The following ADGRG6 variants were observed in gnomAD, a reference collection of about 807,000 sequenced individuals.
ADGRG6 encodes the protein adhesion G protein-coupled receptor G6, also known as G-protein coupled receptor 126.
Under a neutral mutation model 142.4 loss-of-function variants are expected in ADGRG6, and 84 were observed. The ratio of observed to expected loss-of-function variants is 0.59; its 90% CI spans 0.49 to 0.71. The LOEUF (loss-of-function observed/expected upper bound fraction) is 0.71, where lower values mean the gene tolerates loss of function less well. Ranked by LOEUF, ADGRG6 falls within the 30% of genes least tolerant of loss-of-function variation. The pLI is 0.00. For missense variants in ADGRG6, 1,367 were observed against 1,466.6 expected, an observed-to-expected ratio of 0.93 and a Z score of 1.11; for synonymous variants, 521 against 520.5, an observed-to-expected ratio of 1.00 and a Z score of -0.01.
intron 22 of ADGRG6, among the ~76,000 whole-genome samples, chr6:142,432,424 A>G (rs1222677626): frequency 6.6e-6 from 1 of 152,184 alleles, no homozygotes; most frequent in African/African-American, 2.4e-5. Context: ...GATTCACCAT[A>G]TATATATTAT....
At chr6:142,425,900 T>G (rs1776916903) in intron 22 of ADGRG6, among the ~76,000 whole-genome samples, 1 of 152,146 alleles carries the variant, frequency 6.6e-6, no homozygotes, top group Non-Finnish European at 1.5e-5. Flanking sequence ...ACTCCCATTT[T>G]TAAACGCATT....
Position 142,443,599 on chromosome 6 carries a change from A to G in ADGRG6, c.*84A>G, listed in dbSNP as rs575613101. The G allele has an allele frequency of 4.1e-4, 343 of 831,722 alleles. No individual in the cohort carries two copies. Among genetic ancestry groups the G allele is most frequent in the Admixed American group, 6.1e-4 (26 of 42,872 alleles). The allele number at this position is 831,722 out of a possible 1,614,324, so 51.5% of individuals were successfully genotyped here. A position where few individuals can be genotyped will look rare whatever the true frequency, so the allele number is the denominator to read the frequency against. Reference sequence around the variant, plus strand: ...CTGCAACTAGTGATGTAAATGTGCTATTACCTAGGTAACTGCATATATATA... The same window carrying G: ...CTGCAACTAGTGATGTAAATGTGCTGTTACCTAGGTAACTGCATATATATA... On this transcript the variant is annotated 3_prime_UTR_variant, in exon 25 of 25. Coordinates refer to ENST00000367609, the MANE Select transcript of ADGRG6 (RefSeq NM_198569.3).
intron 10 of ADGRG6, among the ~76,000 whole-genome samples, chr6:142,399,452 T>G (rs983888058): frequency 3.3e-5 from 5 of 152,170 alleles, no homozygotes; most frequent in African/African-American, 1.2e-4. Context: ...GCTGCTACCC[T>G]TTCACGTATA....
At position 142,445,598 on chromosome 6, in the gene ADGRG6, T is replaced by C. The variant is rs552776268; in HGVS notation, c.*2083T>C. On this transcript the variant is annotated 3_prime_UTR_variant, in exon 25 of 25. Coordinates refer to ENST00000367609, the MANE Select transcript of ADGRG6 (RefSeq NM_198569.3). ...TTTTTTCATATTTGACAATGTCAGC[T>C]CCACTTTAGAAATTTTCAATAACCA... The C allele has an allele frequency of 1.3e-5, 2 of 152,252 alleles. No individual in the cohort carries two copies. Among genetic ancestry groups the C allele is most frequent in the African/African-American group, 4.8e-5 (2 of 41,562 alleles). The allele number at this position is 152,252 out of a possible 1,614,324, so 9.4% of individuals were successfully genotyped here.
chr6:142,431,354 C>T (rs912084095), intron 22 of ADGRG6, among the ~76,000 whole-genome samples: 7 of 151,976 alleles, frequency 4.6e-5, no homozygotes, highest in Non-Finnish European at 7.4e-5. Flanking sequence ...GGCTAAAATG[C>T]ACCAAAAAAG....
At chr6:142,405,444 T>C (rs2115030653) in intron 14 of ADGRG6, 1 of 596,774 alleles carries the variant, frequency 1.7e-6, no homozygotes, top group Non-Finnish European at 3.1e-6. Context: ...GATTTCTTCC[T>C]ATGTCTTAAT....
chr6:142,414,920 T>G, intron 18 of ADGRG6, 49 bp from the exon 19 acceptor site: 1 of 1,546,968 alleles, frequency 6.5e-7, no homozygotes, highest in Non-Finnish European at 8.7e-7. Flanking sequence ...CAGAGAACCA[T>G]TCTCATGAGA....
rs577919450 is a variant in ADGRG6, at chr6:142,309,578, T to C, written c.37T>C (p.Trp13Arg). 1.9e-6 allele frequency: 3 copies of C among 1,609,838 alleles called. No homozygotes were observed. The highest frequency in any genetic ancestry group is 2.7e-5 in the African/African-American group (2 of 74,958). Residue 13 changes from tryptophan (W) to arginine (R), a missense_variant, in exon 2 of 25, where the codon TGG becomes CGG. Trp to Arg is a moderately radical substitution (Grantham distance 101, BLOSUM62 -3). Around this residue, in one of 3 missense-constraint regions of ADGRG6, gnomAD observed 737 missense variants for 746.5 expected, o/e 0.99. Transcript: ENST00000367609. The stretch of plus-strand genomic sequence containing the variant: ...CTCAGATCGAATGTGGAGCTGCCAT[T>C]GGAAATGGAAGCCCAGTCCTCTCCT... ...FRSDRMWSCHWKWKPSPLLFL... is the reference protein window; with the variant it reads ...FRSDRMWSCHRKWKPSPLLFL...
chr6:142,341,617 G>C (rs536689045), intron 2 of ADGRG6, among the ~76,000 whole-genome samples: 30 of 123,436 alleles, frequency 2.4e-4, no homozygotes, highest in Non-Finnish European at 8.0e-5. Flanking sequence ...TATATAATAT[G>C]TAGTATATAT....
In ADGRG6 at chr6:142,367,866, A is replaced by G; in HGVS notation, c.401A>G (p.Asp134Gly). 2 of 1,612,616 alleles carry G rather than the reference A, an allele frequency of 1.2e-6. No homozygotes were observed. Among genetic ancestry groups the G allele is most frequent in the Non-Finnish European group, 1.7e-6 (2 of 1,179,722 alleles). ...ANEMHVSFSS[D>G]FSIQKKGFNA... Reference sequence around the variant, plus strand: ...GAGATGCATGTGTCCTTTTCAAGTGACTTTAGCATCCAGAAGAAAGGTTTC... The same window carrying G: ...GAGATGCATGTGTCCTTTTCAAGTGGCTTTAGCATCCAGAAGAAAGGTTTC... The change falls in exon 3 of 25, where the codon GAC (aspartate) becomes GGC (glycine). Residue 134 changes from aspartate (D) to glycine (G), a missense_variant. Around this residue, in one of 3 missense-constraint regions of ADGRG6, gnomAD observed 737 missense variants for 746.5 expected, o/e 0.99. Coordinates refer to ENST00000367609, the MANE Select transcript of ADGRG6 (RefSeq NM_198569.3).
chr6:142,306,347 G>A (rs528442944), intron 1 of ADGRG6, among the ~76,000 whole-genome samples: 5 of 152,176 alleles, frequency 3.3e-5, no homozygotes, highest in Non-Finnish European at 4.4e-5. Flanking sequence ...TAAAGCTTCC[G>A]GAAACAGGAC....
intron 2 of ADGRG6, among the ~76,000 whole-genome samples, chr6:142,361,497 T>C (rs1780714359): frequency 6.6e-6 from 1 of 151,900 alleles, no homozygotes; most frequent in Non-Finnish European, 1.5e-5. Flanking sequence ...ATGAGGAGAA[T>C]GGAGAATTTG....
Position 142,419,904 on chromosome 6 carries a change from T to A in ADGRG6, c.3119T>A (p.Phe1040Tyr), listed in dbSNP as rs771162689. The A allele has an allele frequency of 6.2e-7, 1 of 1,613,388 alleles. No individual in the cohort carries two copies. Among genetic ancestry groups the A allele is most frequent in the Non-Finnish European group, 8.5e-7 (1 of 1,179,432 alleles). Residue 1040 changes from phenylalanine (F) to tyrosine (Y), a missense_variant, in exon 22 of 25, where the codon TTC becomes TAC. Phe to Tyr is a conservative substitution (Grantham distance 22). This residue lies in a region of ADGRG6 where 344 missense variants were observed against 348.7 expected (regional missense o/e 0.99). Coordinates refer to ENST00000367609, the MANE Select transcript of ADGRG6 (RefSeq NM_198569.3). ...ATGTTTTTTCTGAACATTGCCATGT[T>A]CATTGTGGTAATGGTGCAGATCTGT... ...GVMFFLNIAMFIVVMVQICGR... is the reference protein window; with the variant it reads ...GVMFFLNIAMYIVVMVQICGR...
intron 2 of ADGRG6, among the ~76,000 whole-genome samples, chr6:142,324,739 T>G (rs1436090456): frequency 1.3e-5 from 2 of 152,150 alleles, no homozygotes; most frequent in African/African-American, 4.8e-5. Context: ...CTGTAACAAT[T>G]CATACTTATT....
intron 24 of ADGRG6, among the ~76,000 whole-genome samples, chr6:142,442,289 A>G (rs956585308): frequency 1.3e-5 from 2 of 152,194 alleles, no homozygotes; most frequent in Non-Finnish European, 2.9e-5. Flanking sequence ...TATCTTCTTT[A>G]TCAGTGTAAA....
chr6:142,319,512 AT>A (rs1426256906), intron 2 of ADGRG6, among the ~76,000 whole-genome samples: 1 of 152,128 alleles, frequency 6.6e-6, no homozygotes, highest in East Asian at 1.9e-4. Context: ...AGTTTTTCAT[AT>A]TCTTCAAATT....
chr6:142,386,455 C>G (rs758774877), intron 6 of ADGRG6, among the ~76,000 whole-genome samples: 38 of 152,090 alleles, frequency 2.5e-4, no homozygotes, highest in Non-Finnish European at 1.6e-4. Flanking sequence ...TTAGTGAAAA[C>G]AAGTAAGATA....
intron 4 of ADGRG6, among the ~76,000 whole-genome samples, chr6:142,379,509 T>C (rs1781655479): frequency 6.6e-6 from 1 of 152,214 alleles, no homozygotes; most frequent in Admixed American, 6.5e-5. Flanking sequence ...GGCTCACGCC[T>C]GTAATCCCAG....
chr6:142,331,145 A>C (rs1779037657), intron 2 of ADGRG6, among the ~76,000 whole-genome samples: 1 of 151,964 alleles, frequency 6.6e-6, no homozygotes, highest in Non-Finnish European at 1.5e-5. Context: ...TAAAAAAAAA[A>C]AAAACTATCA....
Sources: gnomAD v4.1 joint callset for allele counts (sites outside exome capture counted in the v4.1 genomes callset) on GRCh38, gnomAD v4.1.1 for gene constraint, gnomAD v4.1.1 regional missense constraint, MANE v1.5 for transcripts, NCBI Gene and HGNC (gene_info 2026-07-23, HGNC 2026-07-21) for gene names.